Variants in CDH22 observed in about 807,000 individuals in gnomAD.
The protein encoded by CDH22 is cadherin-22.
CDH22 carries 30 observed loss-of-function variants against 58.4 expected under a neutral mutation model. The observed-to-expected ratio is 0.51, with a 90% confidence interval of 0.38 to 0.70. CDH22 has a LOEUF of 0.70. CDH22 is among the 30% of genes least tolerant of loss of function. The probability of loss-of-function intolerance (pLI) is 0.00; values close to 1 mark genes in which losing one functional copy is unlikely to be tolerated. For synonymous variants in CDH22, 513 were observed against 558.2 expected (o/e 0.92, Z 1.14); for missense variants, 1,014 against 1,233.9 (o/e 0.82, Z 2.67).
chr20:46,186,554 C>T (rs1001016309), intron 10 of CDH22, 34 bp downstream of exon 10: 4 of 1,474,330 alleles, frequency 2.7e-6, no homozygotes, highest in African/African-American at 1.4e-5. Flanking sequence ...GACTGTGCCC[C>T]TCCCTTCTTG....
At position 46,251,319 on chromosome 20, in the gene CDH22, C is replaced by T; in HGVS notation, c.-25G>A. On this transcript the variant is annotated 5_prime_UTR_variant, in exon 2 of 12. Transcript: ENST00000537909. The surrounding 1 kb of genome is among the most constrained non-coding windows in gnomAD (Gnocchi z 6.7). ...TCCTTGGCCTGCGCGGGGCTGGGGC[C>T]CAGGAGCATGGACGAGAGGCACCAG... The T allele has an allele frequency of 7.0e-7, 1 of 1,429,930 alleles. No individual in the cohort carries two copies. Among genetic ancestry groups the T allele is most frequent in the Non-Finnish European group, 9.1e-7 (1 of 1,100,870 alleles). 88.6% of individuals were successfully genotyped at this position (1,429,930 alleles called of 1,614,324 possible). A position where few individuals can be genotyped will look rare whatever the true frequency, so the allele number is the denominator to read the frequency against.
chr20:46,245,574 C>T (rs568553969), intron 2 of CDH22, among the ~76,000 whole-genome samples: 1 of 152,104 alleles, frequency 6.6e-6, no homozygotes, highest in Non-Finnish European at 1.5e-5. Context: ...TGTGAGCTTG[C>T]AAGCTCCTTG....
Position 46,252,610 on chromosome 20 carries a change from G to C in CDH22, c.-399-917C>G, listed in dbSNP as rs79117776. Among the ~76,000 whole-genome samples the C allele has an allele frequency of 1.2e-3, 190 of 152,366 alleles. 1 individual carries two copies. The highest frequency in any genetic ancestry group is 4.4e-3 in the African/African-American group (183 of 41,584). ...AGGAATTTCAGGCACAGAGAGGAGTGTGTGGAGGTGAGGGGCTCAATCCCC... is the reference window on the plus strand; with the variant it reads ...AGGAATTTCAGGCACAGAGAGGAGTCTGTGGAGGTGAGGGGCTCAATCCCC... On this transcript the variant is annotated intron_variant, in intron 1 of 11. Transcript: ENST00000537909.
intron 1 of CDH22, among the ~76,000 whole-genome samples, chr20:46,306,347 T>C (rs187754845): frequency 2.8e-4 from 43 of 152,116 alleles, no homozygotes; most frequent in Non-Finnish European, 5.6e-4. Context: ...TCCTTGAAAA[T>C]GGAAAAGAGG....
chr20:46,218,469 C>T (rs111451115), intron 4 of CDH22, among the ~76,000 whole-genome samples: 19 of 152,340 alleles, frequency 1.2e-4, no homozygotes, highest in African/African-American at 4.3e-4. Context: ...CACTCATGTA[C>T]ACTCACTATG....
At chr20:46,221,895 C>T (rs1000893846) in intron 4 of CDH22, among the ~76,000 whole-genome samples, 1 of 152,190 alleles carries the variant, frequency 6.6e-6, no homozygotes, top group Non-Finnish European at 1.5e-5. Context: ...TGACTTCATC[C>T]GTTCACTCAT....
intron 10 of CDH22, among the ~76,000 whole-genome samples, chr20:46,179,251 A>C (rs1215054228): frequency 6.6e-6 from 1 of 152,134 alleles, no homozygotes; most frequent in African/African-American, 2.4e-5. Context: ...GGGGCCCTGC[A>C]TTCCTGCTGG....
chr20:46,222,603 G>A (rs1299953295), intron 4 of CDH22, among the ~76,000 whole-genome samples: 3 of 152,176 alleles, frequency 2.0e-5, no homozygotes, highest in Non-Finnish European at 4.4e-5. Flanking sequence ...TTATAACCTG[G>A]CCTCAGCTCC....
intron 11 of CDH22, 38 bp downstream of exon 11, chr20:46,177,907 GC>G: frequency 1.2e-6 from 2 of 1,604,282 alleles, no homozygotes; most frequent in South Asian, 2.2e-5. Context: ...CCAGGATGGG[GC>G]CAATCAGGCA....
At chr20:46,176,184 C>A (rs983915639) in intron 11 of CDH22, among the ~76,000 whole-genome samples, 1 of 152,156 alleles carries the variant, frequency 6.6e-6, no homozygotes, top group Non-Finnish European at 1.5e-5. Context: ...TGTCCATGCT[C>A]CCTCTCTTGG....
chr20:46,184,981 A>G (rs1239928206), intron 10 of CDH22, among the ~76,000 whole-genome samples: 1 of 152,050 alleles, frequency 6.6e-6, no homozygotes, highest in Non-Finnish European at 1.5e-5. Flanking sequence ...AGCTACTCTG[A>G]AGGCTGAGGC....
chr20:46,239,421 C>G (rs553615801), intron 3 of CDH22, among the ~76,000 whole-genome samples: 95 of 152,336 alleles, frequency 6.2e-4, no homozygotes, highest in African/African-American at 2.2e-3. Context: ...CATCCACAGC[C>G]CCACTGTTCC....
At chr20:46,189,412 G>A (rs1190638384) in intron 8 of CDH22, among the ~76,000 whole-genome samples, 1 of 152,226 alleles carries the variant, frequency 6.6e-6, no homozygotes, top group Non-Finnish European at 1.5e-5. Flanking sequence ...TCCCAGCAGA[G>A]GCAGAGGGAG....
At chr20:46,222,579 G>A (rs899340730) in intron 4 of CDH22, among the ~76,000 whole-genome samples, 1 of 152,200 alleles carries the variant, frequency 6.6e-6, no homozygotes, top group Admixed American at 6.5e-5. Flanking sequence ...GTGGTGGTGG[G>A]CGGGGGCTGG....
At chr20:46,287,748 A>T (rs1332912656) in intron 1 of CDH22, among the ~76,000 whole-genome samples, 1 of 152,090 alleles carries the variant, frequency 6.6e-6, no homozygotes. Flanking sequence ...ATTGGCATGA[A>T]TCTTATTCTG....
chr20:46,222,656 T>C (rs2086135459), intron 4 of CDH22, among the ~76,000 whole-genome samples: 1 of 152,238 alleles, frequency 6.6e-6, no homozygotes, highest in Non-Finnish European at 1.5e-5. Context: ...CCAGCTGTTG[T>C]CCTGGCCTCC....
At chr20:46,243,148 C>A (rs1012561104) in intron 2 of CDH22, among the ~76,000 whole-genome samples, 29 of 152,236 alleles carry the variant, frequency 1.9e-4, no homozygotes, top group Non-Finnish European at 2.9e-4. Context: ...GGACCCCAGC[C>A]CACTAGGCAG....
intron 3 of CDH22, among the ~76,000 whole-genome samples, chr20:46,228,120 G>T (rs1040374674): frequency 6.6e-6 from 1 of 152,216 alleles, no homozygotes; most frequent in South Asian, 2.1e-4. Context: ...ACCCACTCCA[G>T]CTCCTACTGA....
intron 8 of CDH22, among the ~76,000 whole-genome samples, chr20:46,197,773 A>C (rs2085917690): frequency 6.6e-6 from 1 of 152,238 alleles, no homozygotes; most frequent in Admixed American, 6.5e-5. Context: ...GGTCTGAGCC[A>C]GCTTTGTATT....
Sources: gnomAD v4.1 joint callset for allele counts (sites outside exome capture counted in the v4.1 genomes callset) on GRCh38, gnomAD v4.1.1 for gene constraint, Gnocchi (gnomAD v3.1) non-coding constraint, MANE v1.5 for transcripts, NCBI Gene and HGNC (gene_info 2026-07-23, HGNC 2026-07-21) for gene names.